The following KLHL20 variants were observed in gnomAD, a reference collection of about 807,000 sequenced individuals.
The protein encoded by KLHL20 is kelch-like protein 20.
Under a neutral mutation model 69.5 loss-of-function variants are expected in KLHL20, and 29 were observed. The ratio of observed to expected loss-of-function variants is 0.42; its 90% CI spans 0.31 to 0.57. The LOEUF is 0.57. Ranked by LOEUF, KLHL20 falls within the 20% of genes least tolerant of loss-of-function variation. The pLI, the probability that KLHL20 is intolerant of heterozygous loss-of-function variation, is 0.18. For missense variants in KLHL20, 419 were observed against 776.0 expected, an observed-to-expected ratio of 0.54 and a Z score of 5.47; for synonymous variants, 253 against 265.2, an observed-to-expected ratio of 0.95 and a Z score of 0.45.
intron 11 of KLHL20, among the ~76,000 whole-genome samples, chr1:173,784,371 T>C (rs2102545109): frequency 6.6e-6 from 1 of 152,336 alleles, no homozygotes; most frequent in South Asian, 2.1e-4. Context: ...CTATTTTTAC[T>C]AGGAATTTTG....
At chr1:173,751,545 C>T (rs1421432485) in intron 3 of KLHL20, among the ~76,000 whole-genome samples, 1 of 151,838 alleles carries the variant, frequency 6.6e-6, no homozygotes, top group African/African-American at 2.4e-5. Context: ...AGTCATTTTT[C>T]TTAAATTGCT....
rs957962822 is a variant in KLHL20 at position 173,772,216 on chromosome 1, G to A, written c.1296-2089G>A. On this transcript the variant is annotated intron_variant, in intron 8 of 11. Transcript: ENST00000209884. ...AACCAGAGCTTATTGGAAAATGTCT[G>A]ATTCCAGGTTTAGAACAGGAAATGT... is the stretch of plus-strand genomic sequence containing the variant. 1.1e-4 allele frequency among the ~76,000 whole-genome samples: 16 copies of A among 152,262 alleles called. 1 individual carries two copies. The highest frequency in any genetic ancestry group is 1.0e-3 in the Admixed American group (16 of 15,296).
At chr1:173,729,524 C>T (rs1672150900) in intron 2 of KLHL20, among the ~76,000 whole-genome samples, 1 of 152,134 alleles carries the variant, frequency 6.6e-6, no homozygotes, top group Non-Finnish European at 1.5e-5. Flanking sequence ...GCTTATCCAC[C>T]ATGATCAAGT....
chr1:173,769,147 G>C (rs186019240), intron 8 of KLHL20, among the ~76,000 whole-genome samples: 21 of 152,298 alleles, frequency 1.4e-4, no homozygotes, highest in Admixed American at 2.6e-4. Flanking sequence ...GTGGGGGACT[G>C]TCCTGTGCAT....
intron 2 of KLHL20, among the ~76,000 whole-genome samples, chr1:173,728,422 C>A (rs1346012680): frequency 6.6e-6 from 1 of 152,174 alleles, no homozygotes; most frequent in African/African-American, 2.4e-5. Flanking sequence ...CTCTCCACCC[C>A]AAATCAACAG....
intron 3 of KLHL20, chr1:173,741,934 C>A: frequency 1.0e-6 from 1 of 1,003,766 alleles, no homozygotes; most frequent in Non-Finnish European, 1.5e-6. Context: ...GCACTAAAAG[C>A]ACTCTGAATC....
chr1:173,745,658 C>T (rs1031908684), intron 3 of KLHL20, among the ~76,000 whole-genome samples: 2 of 152,058 alleles, frequency 1.3e-5, no homozygotes, highest in African/African-American at 2.4e-5. Flanking sequence ...ACCTGCATAT[C>T]AGTAGTTTTA....
At position 173,755,995 on chromosome 1, in the gene KLHL20, G is replaced by A. The variant is rs778739500; in HGVS notation, c.924G>A (p.Thr308=). The part of the protein sequence containing the change: ...QERPLMQGPR[T]RPRKPIRCGE... ...GACCACTAATGCAAGGACCAAGGAC[G>A]AGACCACGGAAACCTATCCGATGTG... Residue 308 remains threonine, a synonymous_variant, in exon 6 of 12, where the codon ACG becomes ACA. Transcript: ENST00000209884. 6 of 1,613,902 alleles carry A rather than the reference G, an allele frequency of 3.7e-6. No homozygotes were observed. Among genetic ancestry groups the A allele is most frequent in the Middle Eastern group, 1.6e-4 (1 of 6,084 alleles).
At chr1:173,760,807 A>G (rs951484305) in intron 7 of KLHL20, among the ~76,000 whole-genome samples, 1 of 152,222 alleles carries the variant, frequency 6.6e-6, no homozygotes, top group Non-Finnish European at 1.5e-5. Flanking sequence ...CAAAAATACA[A>G]GTTAAAAAGC....
At chr1:173,745,982 T>C (rs996384594) in intron 3 of KLHL20, among the ~76,000 whole-genome samples, 1 of 152,128 alleles carries the variant, frequency 6.6e-6, no homozygotes, top group East Asian at 1.9e-4. Flanking sequence ...AAAGTATTCA[T>C]GTCCAACAAT....
intron 2 of KLHL20, among the ~76,000 whole-genome samples, chr1:173,719,750 TTG>T (rs140850386): frequency 0.061 from 9,263 of 152,268 alleles, 984 homozygotes; most frequent in African/African-American, 0.21. Context: ...AACAATATGT[TTG>T]TTTCCCAAGA....
At chr1:173,719,574 G>A (rs896015275) in intron 2 of KLHL20, among the ~76,000 whole-genome samples, 5 of 151,724 alleles carry the variant, frequency 3.3e-5, no homozygotes, top group South Asian at 2.1e-4. Flanking sequence ...AGCCAAAATC[G>A]TGCCACTGCA....
At chr1:173,739,601 T>C (rs1672696484) in intron 3 of KLHL20, among the ~76,000 whole-genome samples, 1 of 151,824 alleles carries the variant, frequency 6.6e-6, no homozygotes, top group Non-Finnish European at 1.5e-5. Context: ...CATAGTAGCC[T>C]TGAGTTATCT....
intron 3 of KLHL20, among the ~76,000 whole-genome samples, chr1:173,743,674 T>C (rs1672935648): frequency 6.6e-6 from 1 of 152,132 alleles, no homozygotes; most frequent in Non-Finnish European, 1.5e-5. Context: ...TGCTATTTAT[T>C]ATTTTGATGC....
intron 10 of KLHL20, among the ~76,000 whole-genome samples, chr1:173,780,509 G>C (rs181247034): frequency 6.6e-6 from 1 of 152,078 alleles, no homozygotes; most frequent in African/African-American, 2.4e-5. Context: ...GGCCAGGTGC[G>C]GTGGCTCATG....
chr1:173,782,348 CTGAAGT>C, intron 11 of KLHL20, 118 bp downstream of exon 11: 1 of 632,476 alleles, frequency 1.6e-6, no homozygotes, highest in Non-Finnish European at 2.7e-6. Context: ...TTGAAGAGGG[CTGAAGT>C]TACACATATT....
chr1:173,738,538 G>A (rs1401634969), intron 3 of KLHL20, among the ~76,000 whole-genome samples: 1 of 152,166 alleles, frequency 6.6e-6, no homozygotes. Context: ...ATGTTGAATA[G>A]AAGTGGTGAA....
intron 3 of KLHL20, among the ~76,000 whole-genome samples, chr1:173,747,556 C>A (rs1163307758): frequency 6.6e-6 from 1 of 151,896 alleles, no homozygotes; most frequent in East Asian, 1.9e-4. Context: ...AAGTAATTTT[C>A]TTGAATTAGT....
chr1:173,781,545 G>A (rs1303758623), intron 10 of KLHL20, among the ~76,000 whole-genome samples: 1 of 152,104 alleles, frequency 6.6e-6, no homozygotes, highest in Non-Finnish European at 1.5e-5. Context: ...CGAACTCCTG[G>A]GCTCAAGCGA....
Sources: allele counts gnomAD v4.1 joint callset (sites outside exome capture counted in the v4.1 genomes callset), GRCh38; gene constraint gnomAD v4.1.1; transcripts MANE v1.5; gene names NCBI Gene and HGNC (gene_info 2026-07-23, HGNC 2026-07-21).